Variants in ETFDH observed in about 807,000 individuals in gnomAD.
The protein encoded by ETFDH is electron transfer flavoprotein dehydrogenase, also known as electron transfer flavoprotein-ubiquinone oxidoreductase, mitochondrial.
In ETFDH, 61 loss-of-function variants were observed where a neutral mutation model predicts 73.2. The observed-to-expected ratio is 0.83, with a 90% CI of 0.68 to 1.03. The LOEUF (loss-of-function observed/expected upper bound fraction) is 1.03, where lower values mean the gene tolerates loss of function less well. Among genes scored for constraint, ETFDH ranks in the 50% least tolerant of loss-of-function variants. The probability of loss-of-function intolerance (pLI) is 0.00; values close to 1 mark genes in which losing one functional copy is unlikely to be tolerated. For synonymous variants in ETFDH, 243 were observed against 253.3 expected (o/e 0.96, Z 0.39); for missense variants, 685 against 745.0 (o/e 0.92, Z 0.94).
chr4:158,706,439 AAAGT>A, intron 11 of ETFDH, 68 bp downstream of exon 11: 3 of 1,318,448 alleles, frequency 2.3e-6, no homozygotes, highest in Non-Finnish European at 3.3e-6. Context: ...TTAATTAGAG[AAAGT>A]GATTGTTTTA....
At chr4:158,692,166 G>A (rs1774182638) in intron 6 of ETFDH, among the ~76,000 whole-genome samples, 1 of 152,106 alleles carries the variant, frequency 6.6e-6, no homozygotes, top group Non-Finnish European at 1.5e-5. Context: ...GGCTGAGGCA[G>A]GCAGATCACG....
At position 158,682,308 on chromosome 4, in the gene ETFDH, G is replaced by A. The variant is rs745500873; in HGVS notation, c.289G>A (p.Asp97Asn). 2 of 1,614,176 alleles carry A rather than the reference G, an allele frequency of 1.2e-6. No individual in the cohort carries two copies. The highest frequency in any genetic ancestry group is 4.5e-5 in the East Asian group (2 of 44,882). Reference protein sequence around the residue: ...LKQLAVAHEKDIRVCLVEKAA... With the variant: ...LKQLAVAHEKNIRVCLVEKAA... ...ACAGTTGGCTGTGGCACATGAAAAG[G>A]ACATCCGTGTGTGTCTAGTGGAGAA... Residue 97 changes from aspartate to asparagine, a missense_variant, in exon 3 of 13, where the codon GAC (aspartate) becomes AAC (asparagine). By Grantham distance (23) the Asp-to-Asn change is conservative. Coordinates refer to ENST00000511912, the MANE Select transcript of ETFDH (RefSeq NM_004453.4).
intron 6 of ETFDH, among the ~76,000 whole-genome samples, chr4:158,692,902 TA>T: frequency 6.8e-6 from 1 of 146,940 alleles, no homozygotes; most frequent in Middle Eastern, 3.6e-3. Context: ...TATATATATA[TA>T]TATATGGTTT....
Position 158,695,562 on chromosome 4 carries a change from A to T in ETFDH, c.750A>T (p.Gly250=), listed in dbSNP as rs2150310974. The T allele has an allele frequency of 1.2e-6, 2 of 1,612,044 alleles. No homozygotes were observed. Among genetic ancestry groups the T allele is most frequent in the South Asian group, 2.2e-5 (2 of 91,022 alleles). The change falls in exon 7 of 13, where the codon GGA becomes GGT. Residue 250 remains glycine, a synonymous_variant. Transcript: ENST00000511912. Reference sequence around the variant, plus strand: ...CAATTTTTGCAGAAGGTTGCCATGGACATCTAGCCAAGCAACTATATAAGA... The same window carrying T: ...CAATTTTTGCAGAAGGTTGCCATGGTCATCTAGCCAAGCAACTATATAAGA... ...KVTIFAEGCH[G]HLAKQLYKKF... is the part of the protein sequence containing the mutation.
intron 1 of ETFDH, among the ~76,000 whole-genome samples, chr4:158,675,331 A>G (rs940018940): frequency 1.2e-4 from 18 of 152,180 alleles, no homozygotes; most frequent in Admixed American, 8.5e-4. Context: ...CACATAGCAT[A>G]TTGTTTTCAA....
chr4:158,686,704 T>C (rs1246042580), intron 5 of ETFDH, among the ~76,000 whole-genome samples: 2 of 152,228 alleles, frequency 1.3e-5, no homozygotes, highest in African/African-American at 4.8e-5. Flanking sequence ...AGAGGAATCC[T>C]GGTTTCTATG....
At chr4:158,681,332 A>G (rs758802815) in intron 2 of ETFDH, among the ~76,000 whole-genome samples, 10 of 152,226 alleles carry the variant, frequency 6.6e-5, no homozygotes, top group Admixed American at 1.3e-4. Context: ...AAAATGATAT[A>G]AAAACCATTT....
chr4:158,698,166 C>G (rs1774360658), intron 8 of ETFDH, among the ~76,000 whole-genome samples: 1 of 152,162 alleles, frequency 6.6e-6, no homozygotes, highest in Non-Finnish European at 1.5e-5. Context: ...CCAGCAGTTT[C>G]TCCTTTTTTG....
intron 7 of ETFDH, among the ~76,000 whole-genome samples, chr4:158,697,170 C>G (rs1411751822): frequency 6.6e-6 from 1 of 152,058 alleles, no homozygotes; most frequent in Non-Finnish European, 1.5e-5. Context: ...TCTTGGCTCA[C>G]CGCAACTTCT....
At chr4:158,684,711 C>A in intron 4 of ETFDH, 38 bp downstream of exon 4, 1 of 1,106,388 alleles carries the variant, frequency 9.0e-7, no homozygotes, top group South Asian at 1.2e-5. Context: ...TATGGAATTC[C>A]ACAGCTGGAA....
At chr4:158,678,859 C>A (rs1773775501) in intron 1 of ETFDH, among the ~76,000 whole-genome samples, 1 of 151,904 alleles carries the variant, frequency 6.6e-6, no homozygotes, top group Non-Finnish European at 1.5e-5. Context: ...AGAGGTCTTG[C>A]TATATTGCCT....
At chr4:158,708,326 AGTT>A in intron 12 of ETFDH, 35 bp from the exon 13 acceptor site, 1 of 1,523,156 alleles carries the variant, frequency 6.6e-7, no homozygotes, top group Non-Finnish European at 9.1e-7. Flanking sequence ...AATTTTTTAA[AGTT>A]AGGCACTTCA....
chr4:158,686,864 A>T (rs1169495013), intron 5 of ETFDH, among the ~76,000 whole-genome samples: 1 of 152,170 alleles, frequency 6.6e-6, no homozygotes, highest in Non-Finnish European at 1.5e-5. Flanking sequence ...TTCATAGAAA[A>T]ATTGGCTCAC....
Position 158,682,272 on chromosome 4 carries a change from G to A in ETFDH, c.253G>A (p.Val85Ile). Reference protein sequence around the residue: ...GAGPAGLSAAVRLKQLAVAHE... With the variant: ...GAGPAGLSAAIRLKQLAVAHE... ...AGGCCCTGCAGGGCTCTCTGCAGCT[G>A]TTCGTCTAAAACAGTTGGCTGTGGC... Residue 85 changes from valine to isoleucine, a missense_variant, in exon 3 of 13, where the codon GTT becomes ATT. Around this residue, in one of 3 missense-constraint regions of ETFDH, gnomAD observed 405 missense variants for 399.3 expected, o/e 1.01. Coordinates refer to ENST00000511912, the MANE Select transcript of ETFDH (RefSeq NM_004453.4). 1.2e-6 allele frequency: 2 copies of A among 1,614,168 alleles called. No homozygotes were observed. The highest frequency in any genetic ancestry group is 8.5e-7 in the Non-Finnish European group (1 of 1,180,036).
rs763536356 is a variant in ETFDH at position 158,706,237 on chromosome 4, G to T, written c.1334G>T (p.Trp445Leu). Residue 445 changes from tryptophan (W) to leucine (L), a missense_variant, in exon 11 of 13, where the codon TGG (tryptophan) becomes TTG (leucine). This residue lies in a region of ETFDH where 201 missense variants were observed against 225.2 expected (regional missense o/e 0.89). Transcript: ENST00000511912. Reference sequence around the variant, plus strand: ...GACAATTTGAAGAACTCATGGGTATGGAAAGAGCTATATTCTGTTAGAAAT... The same window carrying T: ...GACAATTTGAAGAACTCATGGGTATTGAAAGAGCTATATTCTGTTAGAAAT... ...YEDNLKNSWV[W>L]KELYSVRNIR... The T allele has an allele frequency of 2.5e-6, 4 of 1,612,492 alleles. No homozygotes were observed. In the Admixed American group the frequency reaches 6.7e-5, roughly 27 times the overall value.
At chr4:158,688,682 A>G (rs1012126778) in intron 5 of ETFDH, among the ~76,000 whole-genome samples, 13 of 151,950 alleles carry the variant, frequency 8.6e-5, no homozygotes, top group Non-Finnish European at 1.6e-4. Context: ...CAAAAAAACA[A>G]AAAAAAAGAA....
intron 1 of ETFDH, among the ~76,000 whole-genome samples, chr4:158,676,925 T>C (rs971780601): frequency 8.5e-5 from 13 of 152,254 alleles, no homozygotes; most frequent in African/African-American, 3.1e-4. Flanking sequence ...TTACTAGATA[T>C]AAGAGTTCTT....
chr4:158,676,254 C>T (rs1463849822), intron 1 of ETFDH, among the ~76,000 whole-genome samples: 3 of 151,944 alleles, frequency 2.0e-5, no homozygotes, highest in Admixed American at 6.6e-5. Context: ...ATGAGTTTGT[C>T]GTCTTGCACT....
intron 1 of ETFDH, among the ~76,000 whole-genome samples, chr4:158,679,067 C>T (rs1391706965): frequency 6.6e-6 from 1 of 152,140 alleles, no homozygotes; most frequent in Non-Finnish European, 1.5e-5. Flanking sequence ...GCTATCTCTG[C>T]ACCATTTAAT....
Sources: gnomAD v4.1 joint callset for allele counts (sites outside exome capture counted in the v4.1 genomes callset) on GRCh38, gnomAD v4.1.1 for gene constraint, gnomAD v4.1.1 regional missense constraint, MANE v1.5 for transcripts, NCBI Gene and HGNC (gene_info 2026-07-23, HGNC 2026-07-21) for gene names.